The following ULK4 variants were observed in gnomAD, a reference collection of about 807,000 sequenced individuals.
ULK4 encodes the protein inactive serine/threonine-protein kinase ULK4.
In ULK4, 133 loss-of-function variants were observed where a neutral mutation model predicts 160.6. The ratio of observed to expected loss-of-function variants is 0.83; its 90% confidence interval spans 0.72 to 0.96. ULK4 has a LOEUF of 0.96. ULK4 is among the 40% of genes least tolerant of loss of function. The probability of loss-of-function intolerance (pLI) is 0.00; values close to 1 mark genes in which losing one functional copy is unlikely to be tolerated. For synonymous variants in ULK4, 534 were observed against 539.8 expected, an observed-to-expected ratio of 0.99 and a Z score of 0.15; for missense variants, 1,580 against 1,499.5, an observed-to-expected ratio of 1.05 and a Z score of -0.89.
intron 17 of ULK4, among the ~76,000 whole-genome samples, chr3:41,852,715 G>A (rs933520121): frequency 1.3e-5 from 2 of 152,130 alleles, no homozygotes; most frequent in African/African-American, 2.4e-5. Context: ...TGGATGGGGG[G>A]AGATGTGCTA....
intron 15 of ULK4, 46 bp from the exon 16 acceptor site, chr3:41,895,610 TTTAA>T (rs1442577880): frequency 9.5e-6 from 12 of 1,264,878 alleles, no homozygotes; most frequent in Non-Finnish European, 1.1e-5. Flanking sequence ...AATTAAAATG[TTTAA>T]GTCACAAAAC....
At chr3:41,641,498 A>G (rs1485379986) in intron 30 of ULK4, among the ~76,000 whole-genome samples, 2 of 152,168 alleles carry the variant, frequency 1.3e-5, no homozygotes, top group Admixed American at 6.5e-5. Context: ...GGAGTTCAAG[A>G]CCACTCTGGG....
chr3:41,675,057 T>C (rs368653166), intron 29 of ULK4, among the ~76,000 whole-genome samples: 1 of 151,918 alleles, frequency 6.6e-6, no homozygotes, highest in Non-Finnish European at 1.5e-5. Flanking sequence ...CTGGCCAACA[T>C]GGTGAAACCC....
intron 2 of ULK4, among the ~76,000 whole-genome samples, chr3:41,950,054 T>C (rs188495680): frequency 1.3e-5 from 2 of 152,080 alleles, no homozygotes; most frequent in African/African-American, 2.4e-5. Context: ...TGAGTTTTGA[T>C]TGATGCAGGT....
intron 35 of ULK4, among the ~76,000 whole-genome samples, chr3:41,376,450 G>A (rs890969677): frequency 2.7e-5 from 4 of 150,292 alleles, no homozygotes; most frequent in South Asian, 2.2e-4. Context: ...CTTTGCAGAC[G>A]ACATGATTGT....
rs79469537 is a variant in ULK4, at chr3:41,551,226, A to G, written c.3226+14799T>C. Among the ~76,000 whole-genome samples, 36 of 151,944 alleles carry G rather than the reference A, an allele frequency of 2.4e-4. No homozygotes were observed. The East Asian group carries it at 6.2e-3, about 26-fold the overall frequency. On this transcript the variant is annotated intron_variant, in intron 32 of 36. Transcript: ENST00000301831. ...ACAATCTAAAAACATACCTAAAGAA[A>G]CCAGAAAAGAACAAACCAAAACCAA...
Position 41,717,826 on chromosome 3 carries a change from G to C in ULK4, c.2357C>G (p.Thr786Ser), listed in dbSNP as rs529332889. The change falls in exon 23 of 37, where the codon ACC (threonine) becomes AGC (serine). Residue 786 changes from threonine to serine, a missense_variant. Thr to Ser is a moderately conservative substitution (Grantham distance 58). Coordinates refer to ENST00000301831, the MANE Select transcript of ULK4 (RefSeq NM_017886.4). ...ACTTTGCTGCTCCTTGCCTGGAGTGGTCTTTCTGCTGTCTCTCTCGATGTA... is the reference window on the plus strand; with the variant it reads ...ACTTTGCTGCTCCTTGCCTGGAGTGCTCTTTCTGCTGTCTCTCTCGATGTA... ...VMYIERDSRKTTPGKEQQSGN... is the reference protein window; with the variant it reads ...VMYIERDSRKSTPGKEQQSGN... 1 of 1,613,982 alleles carries C rather than the reference G, an allele frequency of 6.2e-7. No individual in the cohort carries two copies. Among genetic ancestry groups the C allele is most frequent in the Admixed American group, 1.7e-5 (1 of 59,990 alleles).
intron 21 of ULK4, among the ~76,000 whole-genome samples, chr3:41,777,089 A>T (rs1445975808): frequency 4.9e-4 from 3 of 6,088 alleles, no homozygotes; most frequent in African/African-American, 1.6e-3. Context: ...GATTATTGCC[A>T]CAATTTCAGA....
At chr3:41,711,462 G>A (rs1219907054) in intron 25 of ULK4, among the ~76,000 whole-genome samples, 1 of 151,940 alleles carries the variant, frequency 6.6e-6, no homozygotes, top group Non-Finnish European at 1.5e-5. Context: ...ATATGTTAAA[G>A]GAAAAAAGAC....
At chr3:41,499,661 A>G (rs1495701) in intron 32 of ULK4, among the ~76,000 whole-genome samples, 126,140 of 152,114 alleles carry the variant, frequency 0.83, 53,905 homozygotes, top group Non-Finnish European at 0.94. Context: ...TTGAATTAAT[A>G]TATCAATTAC....
intron 33 of ULK4, 142 bp from the exon 34 acceptor site, chr3:41,455,737 C>A (rs2083532281): frequency 1.5e-6 from 1 of 663,098 alleles, no homozygotes; most frequent in African/African-American, 1.8e-5. Flanking sequence ...TAGATGGAGG[C>A]CCCAGAAGAG....
chr3:41,296,402 C>T (rs2079668707), intron 35 of ULK4, among the ~76,000 whole-genome samples: 2 of 152,098 alleles, frequency 1.3e-5, no homozygotes, highest in African/African-American at 4.8e-5. Context: ...GGTGTTCACC[C>T]AGGGGCAAGC....
chr3:41,263,697 G>A (rs1401989952), intron 35 of ULK4, among the ~76,000 whole-genome samples: 5 of 152,178 alleles, frequency 3.3e-5, no homozygotes, highest in African/African-American at 1.2e-4. Context: ...TCGTAAGAAA[G>A]TGCCACCAAA....
chr3:41,922,186 G>T (rs1439846042), intron 5 of ULK4, among the ~76,000 whole-genome samples: 14 of 151,948 alleles, frequency 9.2e-5, no homozygotes, highest in Admixed American at 8.5e-4. Context: ...TAAGAAAGCT[G>T]AAAAAATAAA....
intron 34 of ULK4, among the ~76,000 whole-genome samples, chr3:41,419,536 T>C (rs930758113): frequency 6.6e-6 from 1 of 152,106 alleles, no homozygotes; most frequent in Non-Finnish European, 1.5e-5. Context: ...ATGACATCAC[T>C]TGTGGTGAGA....
chr3:41,307,697 G>C (rs1172594538), intron 35 of ULK4, among the ~76,000 whole-genome samples: 3 of 152,106 alleles, frequency 2.0e-5, no homozygotes, highest in Non-Finnish European at 2.9e-5. Flanking sequence ...GGGCGTGGTT[G>C]CAAGAGCCTA....
chr3:41,364,581 T>C (rs544354303), intron 35 of ULK4, among the ~76,000 whole-genome samples: 102 of 152,332 alleles, frequency 6.7e-4, no homozygotes, highest in African/African-American at 2.4e-3. Context: ...CTTTACTAGA[T>C]AAATGAGACT....
intron 2 of ULK4, among the ~76,000 whole-genome samples, chr3:41,949,622 A>G (rs916252314): frequency 7.9e-5 from 12 of 151,544 alleles, no homozygotes; most frequent in Admixed American, 3.9e-4. Flanking sequence ...TAGTAGAGAC[A>G]GGGTTTCACC....
chr3:41,816,881 T>C (rs2125626617), intron 19 of ULK4, among the ~76,000 whole-genome samples: 1 of 152,356 alleles, frequency 6.6e-6, no homozygotes, highest in East Asian at 1.9e-4. Flanking sequence ...GGTTAATAAG[T>C]ACTTCCATAC....
Sources: gnomAD v4.1 joint callset for allele counts (sites outside exome capture counted in the v4.1 genomes callset) on GRCh38, gnomAD v4.1.1 for gene constraint, MANE v1.5 for transcripts, NCBI Gene and HGNC (gene_info 2026-07-23, HGNC 2026-07-21) for gene names.